Variants in CUBN observed in about 807,000 individuals in gnomAD.
The protein encoded by CUBN is cubilin, also known as 460 kDa receptor.
A neutral mutation model predicts 405.3 loss-of-function variants in CUBN; 282 were observed. That is an observed-to-expected ratio of 0.70 (90% CI 0.63 to 0.77). CUBN has a LOEUF of 0.77. Ranked by LOEUF, CUBN falls within the 30% of genes least tolerant of loss-of-function variation. CUBN has a pLI of 0.00. For synonymous variants in CUBN, 1,684 were observed against 1,617.0 expected (o/e 1.04, Z -0.99); for missense variants, 4,514 against 4,475.2 (o/e 1.01, Z -0.25).
At chr10:17,117,962 T>C (rs1836945247) in intron 6 of CUBN, among the ~76,000 whole-genome samples, 1 of 152,206 alleles carries the variant, frequency 6.6e-6, no homozygotes, top group African/African-American at 2.4e-5. Context: ...CTGTAGCAAG[T>C]GCTAAGAAGA....
At chr10:17,009,484 GC>G (rs1834118994) in intron 28 of CUBN, among the ~76,000 whole-genome samples, 1 of 152,236 alleles carries the variant, frequency 6.6e-6, no homozygotes, top group Non-Finnish European at 1.5e-5. Context: ...GGCACAGCCT[GC>G]CATGACCGTT....
intron 4 of CUBN, among the ~76,000 whole-genome samples, chr10:17,125,546 A>G (rs1837161387): frequency 6.6e-6 from 1 of 152,212 alleles, no homozygotes; most frequent in South Asian, 2.1e-4. Context: ...AAACTCATTC[A>G]AAGGTTTTCT....
rs555978905 is a variant in CUBN at position 17,071,271 on chromosome 10, C to T, written c.2625+155G>A. Among the ~76,000 whole-genome samples the T allele has an allele frequency of 3.0e-4, 45 of 152,220 alleles. 1 individual carries two copies. Among genetic ancestry groups the T allele is most frequent in the Admixed American group, 2.8e-3 (43 of 15,286 alleles). Reference sequence around the variant, plus strand: ...TCTTTTTGTGCTAGATTCACTGAACCAGTATTTTGCTGAGGATTTTTACAT... The same window carrying T: ...TCTTTTTGTGCTAGATTCACTGAACTAGTATTTTGCTGAGGATTTTTACAT... On this transcript the variant is annotated intron_variant, in intron 19 of 66. Coordinates refer to ENST00000377833, the MANE Select transcript of CUBN (RefSeq NM_001081.4).
chr10:16,894,261 T>C (rs377512288), intron 54 of CUBN, among the ~76,000 whole-genome samples: 4 of 152,300 alleles, frequency 2.6e-5, no homozygotes, highest in African/African-American at 7.2e-5. Flanking sequence ...CATTCTTTTG[T>C]TGTTTAATCT....
intron 61 of CUBN, 95 bp from the exon 62 acceptor site, chr10:16,840,630 G>A (rs1264478333): frequency 3.7e-6 from 4 of 1,067,688 alleles, no homozygotes; most frequent in Non-Finnish European, 4.2e-6. Context: ...TCCCACCCCG[G>A]AGGAGCTATA....
rs372592269 is a variant in CUBN, at chr10:16,835,095, G to T, written c.10281C>A (p.Ala3427=). ...AGAGGGAAATGGTGTGGTTCTGGGGGGCTGTGAGAGTAACGGTGCAATCCT... is the reference window on the plus strand; with the variant it reads ...AGAGGGAAATGGTGTGGTTCTGGGGTGCTGTGAGAGTAACGGTGCAATCCT... ...NDKDCTVTLT[A]PQNHTISLFF... The change falls in exon 64 of 67, where the codon GCC becomes GCA. Residue 3427 remains alanine (A), a synonymous_variant. Transcript: ENST00000377833. 1 of 1,614,000 alleles carries T rather than the reference G, an allele frequency of 6.2e-7. No homozygotes were observed. Among genetic ancestry groups the T allele is most frequent in the Non-Finnish European group, 8.5e-7 (1 of 1,180,018 alleles).
chr10:17,100,868 C>CT (rs1207894497), intron 13 of CUBN, among the ~76,000 whole-genome samples: 5 of 152,098 alleles, frequency 3.3e-5, no homozygotes, highest in African/African-American at 9.7e-5. Context: ...AGGAAGAATA[C>CT]TGAGCATACA....
intron 59 of CUBN, among the ~76,000 whole-genome samples, chr10:16,865,199 A>T (rs1389275048): frequency 1.3e-5 from 2 of 151,160 alleles, no homozygotes; most frequent in Non-Finnish European, 2.9e-5. Flanking sequence ...TGGACTCCTG[A>T]CCTCAAGTGA....
chr10:16,991,937 C>T (rs1292550810), intron 28 of CUBN, among the ~76,000 whole-genome samples: 1 of 152,170 alleles, frequency 6.6e-6, no homozygotes, highest in Non-Finnish European at 1.5e-5. Flanking sequence ...AAGACACATG[C>T]ACATGTATGT....
At chr10:16,900,119 A>T (rs1390788252) in intron 53 of CUBN, among the ~76,000 whole-genome samples, 1 of 152,238 alleles carries the variant, frequency 6.6e-6, no homozygotes, top group Admixed American at 6.5e-5. Flanking sequence ...TCGTTTTCAA[A>T]ACTCTTCAAC....
Position 16,947,244 on chromosome 10 carries a change from A to G in CUBN, c.5333T>C (p.Leu1778Pro). The change falls in exon 36 of 67, where the codon CTG (leucine) becomes CCG (proline). Residue 1778 changes from leucine (L) to proline (P), a missense_variant. Leu to Pro is a moderately conservative substitution (Grantham distance 98). Around this residue, in one of 5 missense-constraint regions of CUBN, gnomAD observed 1,613 missense variants for 1,542.8 expected, o/e 1.05. Transcript: ENST00000377833. ...ATAAAAAAGGATTTACATAAAAGAC[A>G]GCTGGAGCCGGTTGCCAGGGGAACT... is the stretch of plus-strand genomic sequence containing the variant. ...IVSSPGNRLQ[L>P]SFISFQLEDS... is the part of the protein sequence containing the mutation. 1 of 1,614,162 alleles carries G rather than the reference A, an allele frequency of 6.2e-7. No homozygotes were observed. The highest frequency in any genetic ancestry group is 8.5e-7 in the Non-Finnish European group (1 of 1,179,976).
chr10:16,862,468 G>A (rs2131355897), intron 59 of CUBN, among the ~76,000 whole-genome samples: 1 of 152,214 alleles, frequency 6.6e-6, no homozygotes. Flanking sequence ...CAGGTTCAGG[G>A]ACAAGCAGTG....
At chr10:16,963,649 C>T (rs1843304421) in intron 31 of CUBN, among the ~76,000 whole-genome samples, 1 of 152,088 alleles carries the variant, frequency 6.6e-6, no homozygotes, top group Non-Finnish European at 1.5e-5. Flanking sequence ...TTGCAAGCAA[C>T]TTAAATGTTC....
chr10:17,044,090 A>G (rs1835070890), intron 25 of CUBN, 107 bp from the exon 26 acceptor site: 1 of 283,414 alleles, frequency 3.5e-6, no homozygotes, highest in East Asian at 1.0e-4. Context: ...TTTATTATGT[A>G]TATATATTAT....
At chr10:16,976,857 C>T (rs993891157) in intron 31 of CUBN, among the ~76,000 whole-genome samples, 2 of 152,164 alleles carry the variant, frequency 1.3e-5, no homozygotes, top group African/African-American at 4.8e-5. Context: ...AAAAAGCCTT[C>T]TGCTGAGGTG....
chr10:17,118,539 C>T (rs1248058868), intron 6 of CUBN, among the ~76,000 whole-genome samples: 1 of 152,150 alleles, frequency 6.6e-6, no homozygotes, highest in African/African-American at 2.4e-5. Flanking sequence ...CAGGTTCAAG[C>T]GATCTTCCCA....
Position 16,900,635 on chromosome 10 carries a change from T to C in CUBN, c.8400A>G (p.Thr2800=). 1 of 1,612,730 alleles carries C rather than the reference T, an allele frequency of 6.2e-7. No individual in the cohort carries two copies. The highest frequency in any genetic ancestry group is 8.5e-7 in the Non-Finnish European group (1 of 1,178,612). Residue 2800 remains threonine, a synonymous_variant, in exon 53 of 67, where the codon ACA becomes ACG. Coordinates refer to ENST00000377833, the MANE Select transcript of CUBN (RefSeq NM_001081.4). The stretch of plus-strand genomic sequence containing the variant: ...AAACATTTCTTTTACCTAAAGTTTG[T>C]GTGTTCCACGTAGCATAAAATCCAC... ...QGGGFYATWN[T]QTLGCGGIFH...
chr10:16,910,698 T>A (rs1044623306), intron 48 of CUBN, among the ~76,000 whole-genome samples: 3 of 151,842 alleles, frequency 2.0e-5, no homozygotes, highest in Non-Finnish European at 4.4e-5. Context: ...AAACAGGAGA[T>A]AGGAACATGA....
At chr10:17,012,833 C>G (rs1039841467) in intron 28 of CUBN, among the ~76,000 whole-genome samples, 2 of 152,152 alleles carry the variant, frequency 1.3e-5, no homozygotes, top group African/African-American at 4.8e-5. Context: ...TTCCTGAATA[C>G]CCATTGTGTC....
Sources: gnomAD v4.1 joint callset for allele counts (sites outside exome capture counted in the v4.1 genomes callset) on GRCh38, gnomAD v4.1.1 for gene constraint, gnomAD v4.1.1 regional missense constraint, MANE v1.5 for transcripts, NCBI Gene and HGNC (gene_info 2026-07-23, HGNC 2026-07-21) for gene names.